The following GLIPR1L2 variants were observed in gnomAD, a reference collection of about 807,000 sequenced individuals.
GLIPR1L2 encodes GLIPR1 like 2, also known as GLIPR1-like protein 2.
A neutral mutation model predicts 28.4 loss-of-function variants in GLIPR1L2; 21 were observed. The observed-to-expected ratio is 0.74, with a 90% CI of 0.52 to 1.06. GLIPR1L2 has a LOEUF of 1.06. GLIPR1L2 is among the 50% of genes least tolerant of loss of function. The pLI, the probability that GLIPR1L2 is intolerant of heterozygous loss-of-function variation, is 0.00. For synonymous variants in GLIPR1L2, 145 were observed against 139.3 expected (o/e 1.04, Z -0.29); for missense variants, 476 against 416.9 (o/e 1.14, Z -1.23).
rs764905137 is a variant in GLIPR1L2, at chr12:75,410,698, G to A, written c.480+19G>A. The A allele has an allele frequency of 1.4e-5, 21 of 1,540,512 alleles. No individual in the cohort carries two copies. Among genetic ancestry groups the A allele is most frequent in the East Asian group, 2.3e-5 (1 of 43,730 alleles). The stretch of plus-strand genomic sequence containing the variant: ...TATTCAGGTATGTAATTTTTATTTT[G>A]TTATTAATTCAAACACTTCTTAATT... On this transcript the variant is annotated intron_variant, in intron 2 of 5. Coordinates refer to ENST00000550916, the MANE Select transcript of GLIPR1L2 (RefSeq NM_001270396.2).
At chr12:75,406,288 A>G (rs536147799) in intron 1 of GLIPR1L2, among the ~76,000 whole-genome samples, 1 of 152,288 alleles carries the variant, frequency 6.6e-6, no homozygotes, top group East Asian at 1.9e-4. Flanking sequence ...ATTTTTTATG[A>G]CATTGCTTTT....
chr12:75,392,788 C>T (rs190471163), intron 1 of GLIPR1L2, among the ~76,000 whole-genome samples: 196 of 151,718 alleles, frequency 1.3e-3, no homozygotes, highest in Admixed American at 3.2e-3. Flanking sequence ...ACCTGTATAC[C>T]CACAATCGAT....
Position 75,413,682 on chromosome 12 carries a change from A to G in GLIPR1L2, c.565A>G (p.Ile189Val). 5.3e-6 allele frequency: 8 copies of G among 1,497,950 alleles called. No homozygotes were observed. Among genetic ancestry groups the G allele is most frequent in the Non-Finnish European group, 6.3e-6 (7 of 1,112,928 alleles). The allele number at this position is 1,497,950 out of a possible 1,614,324, so 92.8% of individuals were successfully genotyped here. The stretch of plus-strand genomic sequence containing the variant: ...ACATATTATACATGCAGCAATTTTC[A>G]TATGCAACTATGCGCCAGGGTAAGT... ...IGHIIHAAIF[I>V]CNYAPGGTLT... The change falls in exon 3 of 6, where the codon ATA becomes GTA. Residue 189 changes from isoleucine to valine, a missense_variant. Coordinates refer to ENST00000550916, the MANE Select transcript of GLIPR1L2 (RefSeq NM_001270396.2).
At chr12:75,406,807 A>G (rs2045807221) in intron 1 of GLIPR1L2, among the ~76,000 whole-genome samples, 1 of 151,258 alleles carries the variant, frequency 6.6e-6, no homozygotes, top group South Asian at 2.1e-4. Flanking sequence ...GAGAGATGCA[A>G]ATACGAGAGG....
At chr12:75,410,961 GA>G (rs1555232857) in intron 2 of GLIPR1L2, among the ~76,000 whole-genome samples, 1 of 151,764 alleles carries the variant, frequency 6.6e-6, no homozygotes, top group Non-Finnish European at 1.5e-5. Context: ...AAGGAGGAAA[GA>G]AACCAGTAAA....
At chr12:75,423,043 A>C (rs1172764932) in intron 4 of GLIPR1L2, 54 bp downstream of exon 4, 3 of 1,605,936 alleles carry the variant, frequency 1.9e-6, no homozygotes, top group Non-Finnish European at 2.6e-6. Context: ...GGACAAGAAA[A>C]ATAAGCGATT....
intron 4 of GLIPR1L2, among the ~76,000 whole-genome samples, chr12:75,425,328 A>G (rs895588612): frequency 1.3e-5 from 2 of 152,142 alleles, no homozygotes; most frequent in African/African-American, 2.4e-5. Context: ...TGGGCTGAGA[A>G]GAGATTTCAG....
intron 4 of GLIPR1L2, among the ~76,000 whole-genome samples, chr12:75,426,497 G>A (rs2046035564): frequency 6.6e-6 from 1 of 152,142 alleles, no homozygotes; most frequent in Non-Finnish European, 1.5e-5. Context: ...ATCTTACCTG[G>A]CCTACTATCA....
At chr12:75,405,685 G>C (rs2045790835) in intron 1 of GLIPR1L2, among the ~76,000 whole-genome samples, 1 of 152,082 alleles carries the variant, frequency 6.6e-6, no homozygotes, top group Non-Finnish European at 1.5e-5. Flanking sequence ...CATGAGAACA[G>C]TTTGCAGTTT....
chr12:75,403,144 T>C, intron 1 of GLIPR1L2: 1 of 456,806 alleles, frequency 2.2e-6, no homozygotes, highest in Non-Finnish European at 4.4e-6. Context: ...TGGGGATCCA[T>C]TGGTGAGTCT....
Position 75,395,981 on chromosome 12 carries a change from T to C in GLIPR1L2, c.234+4631T>C, listed in dbSNP as rs572897229. Among the ~76,000 whole-genome samples the C allele has an allele frequency of 2.2e-4, 34 of 152,248 alleles. No homozygotes were observed. The East Asian group carries it at 6.0e-3, about 27-fold the overall frequency. ...AGTTAGGTTGTTGATTTGGAGTCTT[T>C]CATCTTTTTAAAAAAAATGTAAGCT... is the stretch of plus-strand genomic sequence containing the variant. On this transcript the variant is annotated intron_variant, in intron 1 of 5. Transcript: ENST00000550916.
At chr12:75,403,765 C>T (rs1212589001) in intron 1 of GLIPR1L2, among the ~76,000 whole-genome samples, 1 of 152,088 alleles carries the variant, frequency 6.6e-6, no homozygotes, top group Non-Finnish European at 1.5e-5. Flanking sequence ...TCTGTTCACA[C>T]CAGCCTCTAC....
In GLIPR1L2 at chr12:75,410,483, G is replaced by A. The variant is rs2045854797; in HGVS notation, c.284G>A (p.Cys95Tyr). Residue 95 changes from cysteine to tyrosine, a missense_variant, in exon 2 of 6, where the codon TGT (cysteine) becomes TAT (tyrosine). Physicochemically the swap from Cys to Tyr is radical, Grantham distance 194. Coordinates refer to ENST00000550916, the MANE Select transcript of GLIPR1L2 (RefSeq NM_001270396.2). ...ACTGCTAGAGCATGGGGAAAAAAAT[G>A]TTTGTTTACGCATAATATTTATTTA... ...SRTARAWGKK[C>Y]LFTHNIYLQD... 6.2e-7 allele frequency: 1 copy of A among 1,609,582 alleles called. No individual in the cohort carries two copies. The highest frequency in any genetic ancestry group is 2.2e-5 in the East Asian group (1 of 44,710).
chr12:75,431,883 ATTAAC>A lies in GLIPR1L2; in HGVS notation c.*725_*729del, dbSNP rs2046095915. 6.6e-6 allele frequency: 1 copy of A among 152,120 alleles called. No individual in the cohort carries two copies. Among genetic ancestry groups the A allele is most frequent in the Non-Finnish European group, 1.5e-5 (1 of 67,970 alleles). The allele number at this position is 152,120 out of a possible 1,614,324, so 9.4% of individuals were successfully genotyped here. A position where few individuals can be genotyped will look rare whatever the true frequency, so the allele number is the denominator to read the frequency against. ...AAAATAAATAAATTTTTTAAAAACTATTAACTTGTTATTCAATAGGTATAGTAAAA... is the reference window on the plus strand; with the variant it reads ...AAAATAAATAAATTTTTTAAAAACTATTGTTATTCAATAGGTATAGTAAAA... On this transcript the variant is annotated 3_prime_UTR_variant, in exon 6 of 6. Coordinates refer to ENST00000550916, the MANE Select transcript of GLIPR1L2 (RefSeq NM_001270396.2).
chr12:75,426,287 G>T (rs2046033442), intron 4 of GLIPR1L2, among the ~76,000 whole-genome samples: 1 of 152,116 alleles, frequency 6.6e-6, no homozygotes, highest in Non-Finnish European at 1.5e-5. Context: ...TAACAGTCTG[G>T]GTTGAATTAG....
At chr12:75,429,768 T>C (rs1403480983) in intron 4 of GLIPR1L2, among the ~76,000 whole-genome samples, 1 of 152,022 alleles carries the variant, frequency 6.6e-6, no homozygotes, top group African/African-American at 2.4e-5. Flanking sequence ...TCATAAGATC[T>C]GGTGGTTTAA....
chr12:75,400,990 G>T (rs1393255237), intron 1 of GLIPR1L2, among the ~76,000 whole-genome samples: 5 of 151,866 alleles, frequency 3.3e-5, no homozygotes, highest in African/African-American at 4.8e-5. Flanking sequence ...TGAAGTTAAA[G>T]ATAGTTAAGA....
intron 1 of GLIPR1L2, among the ~76,000 whole-genome samples, chr12:75,408,666 G>A (rs372950588): frequency 7.2e-5 from 11 of 151,874 alleles, no homozygotes; most frequent in African/African-American, 2.4e-4. Context: ...TCCGTGCTGC[G>A]GAATACTATG....
At chr12:75,428,085 G>T (rs914022224) in intron 4 of GLIPR1L2, among the ~76,000 whole-genome samples, 1 of 152,198 alleles carries the variant, frequency 6.6e-6, no homozygotes, top group Non-Finnish European at 1.5e-5. Context: ...GAACCATTTG[G>T]AGGGCTCAGA....
Sources: gnomAD v4.1 joint callset for allele counts (sites outside exome capture counted in the v4.1 genomes callset) on GRCh38, gnomAD v4.1.1 for gene constraint, MANE v1.5 for transcripts, NCBI Gene and HGNC (gene_info 2026-07-23, HGNC 2026-07-21) for gene names.